Variants in CDK6 observed in about 807,000 individuals in gnomAD.
The protein encoded by CDK6 is cyclin-dependent kinase 6.
A neutral mutation model predicts 37.1 loss-of-function variants in CDK6; 6 were observed. The ratio of observed to expected loss-of-function variants is 0.16; its 90% CI spans 0.09 to 0.32. CDK6 has a LOEUF of 0.32. Ranked by LOEUF, CDK6 falls within the 10% of genes least tolerant of loss-of-function variation. CDK6 has a pLI of 1.00. For synonymous variants in CDK6, 160 were observed against 161.3 expected (o/e 0.99, Z 0.06); for missense variants, 224 against 418.9 (o/e 0.53, Z 4.06).
At chr7:92,724,907 G>T in intron 4 of CDK6, 1 of 546,676 alleles carries the variant, frequency 1.8e-6, no homozygotes, top group Non-Finnish European at 2.3e-6. Flanking sequence ...TGCTCTTTTT[G>T]TATTTGGGGT....
intron 3 of CDK6, among the ~76,000 whole-genome samples, chr7:92,754,988 C>T (rs1485823039): frequency 6.6e-6 from 1 of 152,108 alleles, no homozygotes; most frequent in African/African-American, 2.4e-5. Context: ...CCCTCTTGGC[C>T]CTACCACTCT....
chr7:92,778,946 T>TAAAAAA (rs1554412777), intron 2 of CDK6, among the ~76,000 whole-genome samples: 2 of 135,006 alleles, frequency 1.5e-5, no homozygotes, highest in African/African-American at 6.0e-5. Context: ...TATATATATA[T>TAAAAAA]AAGATATTAT....
chr7:92,618,406 C>A, intron 6 of CDK6, 199 bp from the exon 7 acceptor site: 3 of 528,808 alleles, frequency 5.7e-6, no homozygotes, highest in East Asian at 3.1e-5. Flanking sequence ...AGGGTAATCT[C>A]ACAGAAGAAT....
chr7:92,681,931 T>C (rs1463613015), intron 4 of CDK6, among the ~76,000 whole-genome samples: 1 of 152,190 alleles, frequency 6.6e-6, no homozygotes, highest in Non-Finnish European at 1.5e-5. Flanking sequence ...CTGCTACCAG[T>C]ATCTCAAATT....
At chr7:92,799,639 G>T (rs1800517853) in intron 2 of CDK6, among the ~76,000 whole-genome samples, 1 of 152,084 alleles carries the variant, frequency 6.6e-6, no homozygotes, top group Non-Finnish European at 1.5e-5. Context: ...TGCTGTGAAG[G>T]TTGGCATGGG....
At chr7:92,818,075 C>T (rs1801074003) in intron 2 of CDK6, among the ~76,000 whole-genome samples, 1 of 151,766 alleles carries the variant, frequency 6.6e-6, no homozygotes, top group Non-Finnish European at 1.5e-5. Context: ...AATGCTATCC[C>T]AATAGGAGAA....
At chr7:92,755,027 G>A (rs1314665167) in intron 3 of CDK6, among the ~76,000 whole-genome samples, 2 of 151,994 alleles carry the variant, frequency 1.3e-5, no homozygotes, top group African/African-American at 4.8e-5. Flanking sequence ...ACATAAAAAC[G>A]ATCCCCCAAA....
chr7:92,776,041 C>G (rs1215663277), intron 2 of CDK6, among the ~76,000 whole-genome samples: 3 of 152,006 alleles, frequency 2.0e-5, no homozygotes, highest in Admixed American at 1.3e-4. Context: ...AGGTATTTCT[C>G]CTAATGCTAT....
intron 3 of CDK6, among the ~76,000 whole-genome samples, chr7:92,739,046 C>A (rs1345155771): frequency 1.3e-5 from 2 of 152,192 alleles, no homozygotes; most frequent in African/African-American, 4.8e-5. Flanking sequence ...GAAGTGGTTG[C>A]ACATCATGGT....
chr7:92,664,153 TA>T (rs568541023), intron 5 of CDK6, among the ~76,000 whole-genome samples: 2 of 123,834 alleles, frequency 1.6e-5, no homozygotes, highest in Admixed American at 7.9e-5. Flanking sequence ...AAAAATAAAA[TA>T]AAAAAAAAGA....
intron 4 of CDK6, among the ~76,000 whole-genome samples, chr7:92,722,924 C>G (rs906056760): frequency 3.3e-5 from 5 of 152,190 alleles, no homozygotes; most frequent in African/African-American, 1.2e-4. Flanking sequence ...GTGGCTTATG[C>G]CTGTAATCCC....
chr7:92,824,072 GT>G (rs112961243), intron 2 of CDK6, among the ~76,000 whole-genome samples: 77 of 146,016 alleles, frequency 5.3e-4, no homozygotes, highest in Non-Finnish European at 9.6e-4. Flanking sequence ...ATAAATGAAT[GT>G]TTTTTTTTAA....
Position 92,612,404 on chromosome 7 carries a change from C to T in CDK6, c.*2736G>A, listed in dbSNP as rs560214240. On this transcript the variant is annotated 3_prime_UTR_variant, in exon 8 of 8. Coordinates refer to ENST00000424848, the MANE Select transcript of CDK6 (RefSeq NM_001145306.2). Reference sequence around the variant, plus strand: ...CTGTAGTCACTAAGTTCTTACTCTACTATCTGCTTCAAAATGCCCTAACGG... The same window carrying T: ...CTGTAGTCACTAAGTTCTTACTCTATTATCTGCTTCAAAATGCCCTAACGG... The T allele has an allele frequency of 1.3e-5, 3 of 233,188 alleles. No homozygotes were observed. Among genetic ancestry groups the T allele is most frequent in the African/African-American group, 4.4e-5 (2 of 45,484 alleles). 14.4% of individuals were successfully genotyped at this position (233,188 alleles called of 1,614,324 possible).
At chr7:92,706,794 A>G (rs925945740) in intron 4 of CDK6, among the ~76,000 whole-genome samples, 3 of 152,246 alleles carry the variant, frequency 2.0e-5, no homozygotes, top group Admixed American at 2.0e-4. Context: ...ACACTGATTC[A>G]TTCTTAGATT....
At chr7:92,702,475 C>G (rs1222075051) in intron 4 of CDK6, among the ~76,000 whole-genome samples, 2 of 152,016 alleles carry the variant, frequency 1.3e-5, no homozygotes, top group Non-Finnish European at 2.9e-5. Flanking sequence ...TCAGATGATC[C>G]ACCTGCCTCG....
chr7:92,836,152 T>G (rs1027197009), intron 1 of CDK6, among the ~76,000 whole-genome samples: 1 of 151,892 alleles, frequency 6.6e-6, no homozygotes, highest in African/African-American at 2.4e-5. Flanking sequence ...AGAAACTGTA[T>G]GAGGCGTGTT....
intron 2 of CDK6, among the ~76,000 whole-genome samples, chr7:92,832,399 A>G (rs147744577): frequency 6.6e-6 from 1 of 152,368 alleles, no homozygotes; most frequent in Non-Finnish European, 1.5e-5. Context: ...TTGGAGAATT[A>G]GTCTAAAGAG....
At chr7:92,736,231 G>A (rs773709921) in intron 3 of CDK6, among the ~76,000 whole-genome samples, 91 of 151,942 alleles carry the variant, frequency 6.0e-4, no homozygotes, top group Non-Finnish European at 1.1e-3. Flanking sequence ...TATGACATAG[G>A]ATATTATGCT....
At chr7:92,661,186 TA>T (rs1221363486) in intron 5 of CDK6, among the ~76,000 whole-genome samples, 5 of 152,192 alleles carry the variant, frequency 3.3e-5, no homozygotes, top group Admixed American at 3.3e-4. Flanking sequence ...ACCTCTAATA[TA>T]GCAGCTTAAG....
Sources: allele counts gnomAD v4.1 joint callset (sites outside exome capture counted in the v4.1 genomes callset), GRCh38; gene constraint gnomAD v4.1.1; transcripts MANE v1.5; gene names NCBI Gene and HGNC (gene_info 2026-07-23, HGNC 2026-07-21).